SLC18A2: variants seen among roughly 807,000 people sequenced by gnomAD.
The protein encoded by SLC18A2 is synaptic vesicular amine transporter.
In SLC18A2, 33 loss-of-function variants were observed where a neutral mutation model predicts 59.2. The ratio of observed to expected loss-of-function variants is 0.56; its 90% CI spans 0.42 to 0.75. The LOEUF is 0.75. Among genes scored for constraint, SLC18A2 ranks in the 30% least tolerant of loss-of-function variants. The pLI is 0.00. For synonymous variants in SLC18A2, 228 were observed against 253.5 expected (o/e 0.90, Z 0.95); for missense variants, 569 against 668.6 (o/e 0.85, Z 1.64).
chr10:117,266,703 T>C (rs11568724), intron 10 of SLC18A2, 30 bp from the exon 11 acceptor site: 630 of 1,527,316 alleles, frequency 4.1e-4, no homozygotes, highest in Non-Finnish European at 5.4e-4. Context: ...ATATCAGCAC[T>C]GATAAGGTCT....
intron 15 of SLC18A2, among the ~76,000 whole-genome samples, chr10:117,275,333 T>C (rs1025629093): frequency 2.6e-5 from 4 of 152,166 alleles, no homozygotes; most frequent in Admixed American, 1.3e-4. Flanking sequence ...AAATGATAAA[T>C]GGGTTAAGCA....
At position 117,255,287 on chromosome 10, in the gene SLC18A2, C is replaced by T; in HGVS notation, c.711C>T (p.Pro237=). 6.2e-7 allele frequency: 1 copy of T among 1,614,208 alleles called. No individual in the cohort carries two copies. Among genetic ancestry groups the T allele is most frequent in the South Asian group, 1.1e-5 (1 of 91,086 alleles). Residue 237 remains proline, a synonymous_variant, in exon 7 of 16, where the codon CCC becomes CCT. Coordinates refer to ENST00000644641, the MANE Select transcript of SLC18A2 (RefSeq NM_003054.6). ...GLAMGVLVGP[P]FGSVLYEFVG... ...TTTCTCTCCCTGCAGTGGGCCCCCCCTTCGGGAGTGTGCTCTATGAGTTTG... is the reference window on the plus strand; with the variant it reads ...TTTCTCTCCCTGCAGTGGGCCCCCCTTTCGGGAGTGTGCTCTATGAGTTTG...
chr10:117,241,701 T>C lies in SLC18A2; in HGVS notation c.8T>C (p.Leu3Pro), dbSNP rs1402189653. The C allele has an allele frequency of 6.3e-7, 1 of 1,595,546 alleles. No homozygotes were observed. The highest frequency in any genetic ancestry group is 8.5e-7 in the Non-Finnish European group (1 of 1,172,580). The change falls in exon 2 of 16, where the codon CTG (leucine) becomes CCG (proline). Residue 3 changes from leucine (L) to proline (P), a missense_variant. Coordinates refer to ENST00000644641, the MANE Select transcript of SLC18A2 (RefSeq NM_003054.6). MA[L>P]SELALVRWLQ... is the part of the protein sequence containing the mutation. ...CAGCGGAGCCCCGGAGCCATGGCCC[T>C]GAGCGAGCTGGCGCTGGTCCGCTGG...
rs893575984 is a variant in SLC18A2, at chr10:117,255,578, C to G, written c.835-19C>G. On this transcript the variant is annotated intron_variant, in intron 8 of 15. Coordinates refer to ENST00000644641, the MANE Select transcript of SLC18A2 (RefSeq NM_003054.6). ...AGGGGGCATGGTGCTGCTTCTGACCCGTGTTTTTTTCTTGACAGAGTCAGA... is the reference window on the plus strand; with the variant it reads ...AGGGGGCATGGTGCTGCTTCTGACCGGTGTTTTTTTCTTGACAGAGTCAGA... The G allele has an allele frequency of 6.2e-7, 1 of 1,613,928 alleles. No homozygotes were observed. Among genetic ancestry groups the G allele is most frequent in the African/African-American group, 1.3e-5 (1 of 74,898 alleles).
In SLC18A2 at chr10:117,241,794, A is replaced by G; in HGVS notation, c.101A>G (p.Asn34Ser). 6.2e-7 allele frequency: 1 copy of G among 1,609,302 alleles called. No individual in the cohort carries two copies. Among genetic ancestry groups the G allele is most frequent in the Non-Finnish European group, 8.5e-7 (1 of 1,178,394 alleles). Residue 34 changes from asparagine to serine, a missense_variant, in exon 2 of 16, where the codon AAC (asparagine) becomes AGC (serine). Coordinates refer to ENST00000644641, the MANE Select transcript of SLC18A2 (RefSeq NM_003054.6). ...FIVFLALLLD[N>S]MLLTVVVPII... ...GTGTTCCTGGCGCTGCTGCTGGACA[A>G]CATGCTGCTCACTGTCGTGGGTACG...
chr10:117,241,642 G>C, intron 1 of SLC18A2, 37 bp from the exon 2 acceptor site: 2 of 1,509,856 alleles, frequency 1.3e-6, no homozygotes, highest in African/African-American at 1.4e-5. Context: ...GGGGGTCCAC[G>C]GCCGCCTTGG....
In SLC18A2 at chr10:117,243,976, A is replaced by G. The variant is rs1213537265; in HGVS notation, c.127A>G (p.Ile43Val). ...DNMLLTVVVP[I>V]IPSYLYSIKH... is the part of the protein sequence containing the mutation. ...CATTCTGCTCTTATCCCCAGTCCCCATCATCCCAAGTTATCTGTACAGCAT... is the reference window on the plus strand; with the variant it reads ...CATTCTGCTCTTATCCCCAGTCCCCGTCATCCCAAGTTATCTGTACAGCAT... The change falls in exon 3 of 16, where the codon ATC (isoleucine) becomes GTC (valine). Residue 43 changes from isoleucine to valine, a missense_variant. By Grantham distance (29) the Ile-to-Val change is conservative (BLOSUM62 3). Transcript: ENST00000644641. 2 of 1,611,228 alleles carry G rather than the reference A, an allele frequency of 1.2e-6. No homozygotes were observed. The highest frequency in any genetic ancestry group is 1.7e-6 in the Non-Finnish European group (2 of 1,178,218).
chr10:117,254,567 G>A (rs921181784), intron 6 of SLC18A2, 70 bp downstream of exon 6: 18 of 1,138,250 alleles, frequency 1.6e-5, no homozygotes, highest in African/African-American at 1.6e-4. Flanking sequence ...GGCAGTCCTC[G>A]CCCAGTGACC....
At position 117,244,139 on chromosome 10, in the gene SLC18A2, C is replaced by T. The variant is rs759265172; in HGVS notation, c.290C>T (p.Thr97Ile). The change falls in exon 3 of 16, where the codon ACA becomes ATA. Residue 97 changes from threonine to isoleucine, a missense_variant. Thr to Ile is a moderately conservative substitution (Grantham distance 89). Transcript: ENST00000644641. ...ACCGGGAATGCTACCAGAGACCTGA[C>T]ACTTCATCAGACCGCCACACAGCAC... ...MVTGNATRDLTLHQTATQHMV... is the reference protein window; with the variant it reads ...MVTGNATRDLILHQTATQHMV... 6.8e-6 allele frequency: 11 copies of T among 1,614,100 alleles called. No homozygotes were observed. The highest frequency in any genetic ancestry group is 8.5e-6 in the Non-Finnish European group (10 of 1,180,046).
In SLC18A2 at chr10:117,277,297, TAATTG is replaced by T; in HGVS notation, c.*32_*36del. ...GATCCTCAAAAATCATCAAAGTGTT[TAATTG>T]TATAAAACAGTGTTTCCAGTGACAC... On this transcript the variant is annotated 3_prime_UTR_variant, in exon 16 of 16. Transcript: ENST00000644641. 9 of 1,365,868 alleles carry T rather than the reference TAATTG, an allele frequency of 6.6e-6. No individual in the cohort carries two copies. Among genetic ancestry groups the T allele is most frequent in the South Asian group, 1.2e-5 (1 of 84,246 alleles). 84.6% of individuals were successfully genotyped at this position (1,365,868 alleles called of 1,614,324 possible). A position where few individuals can be genotyped will look rare whatever the true frequency, so the allele number is the denominator to read the frequency against.
intron 15 of SLC18A2, 37 bp downstream of exon 15, chr10:117,270,500 T>C (rs2133745140): frequency 6.2e-7 from 1 of 1,608,850 alleles, no homozygotes; most frequent in Non-Finnish European, 8.5e-7. Context: ...CATTTCTTGA[T>C]AATTTTAGCA....
chr10:117,245,534 C>A (rs947091575), intron 3 of SLC18A2, among the ~76,000 whole-genome samples: 2 of 151,786 alleles, frequency 1.3e-5, no homozygotes, highest in Admixed American at 1.3e-4. Context: ...GAGAACTTCA[C>A]ATTTCCTCTG....
chr10:117,267,316 A>C, intron 12 of SLC18A2: 1 of 468,344 alleles, frequency 2.1e-6, no homozygotes, highest in South Asian at 3.6e-5. Context: ...ACTTCAGGAC[A>C]ACCAACCTGA....
At chr10:117,252,955 C>T (rs1459048091) in intron 3 of SLC18A2, among the ~76,000 whole-genome samples, 2 of 152,196 alleles carry the variant, frequency 1.3e-5, no homozygotes, top group Admixed American at 6.5e-5. Context: ...GAAGGCAGAT[C>T]TTAACATCTT....
intron 10 of SLC18A2, among the ~76,000 whole-genome samples, chr10:117,260,230 G>A (rs1041715618): frequency 9.9e-5 from 15 of 152,192 alleles, no homozygotes; most frequent in African/African-American, 3.6e-4. Flanking sequence ...CTGCCAGGGT[G>A]AAGGCTGGAG....
chr10:117,269,130 TACAA>T lies in SLC18A2; in HGVS notation c.1187-937_1187-934del, dbSNP rs894880935. On this transcript the variant is annotated intron_variant, in intron 13 of 15. Transcript: ENST00000644641. The surrounding 1 kb of genome is among the most constrained non-coding windows in gnomAD (Gnocchi z 5.1). Reference sequence around the variant, plus strand: ...ACATACACGTAGATACACATACACATACAAACACCCACCCACATACATATGCACA... The same window carrying T: ...ACATACACGTAGATACACATACACATACACCCACCCACATACATATGCACA... Among the ~76,000 whole-genome samples, 15 of 148,186 alleles carry T rather than the reference TACAA, an allele frequency of 1.0e-4. No individual in the cohort carries two copies. The highest frequency in any genetic ancestry group is 4.0e-4 in the East Asian group (2 of 4,996).
chr10:117,270,301 G>A, intron 14 of SLC18A2, 29 bp from the exon 15 acceptor site: 3 of 1,614,002 alleles, frequency 1.9e-6, no homozygotes, highest in Non-Finnish European at 2.5e-6. Context: ...ATTTGGAAGA[G>A]CTTTATCTAA....
chr10:117,259,620 A>G (rs893367995), intron 10 of SLC18A2, among the ~76,000 whole-genome samples: 13 of 152,234 alleles, frequency 8.5e-5, no homozygotes, highest in African/African-American at 3.1e-4. Context: ...GTCTGCATGT[A>G]TAATTCTTGG....
chr10:117,276,644 A>AAGAAAGAAAGAAAGAAAGAC (rs57151913), intron 15 of SLC18A2, among the ~76,000 whole-genome samples: 1 of 132,750 alleles, frequency 7.5e-6, no homozygotes, highest in African/African-American at 2.8e-5. Context: ...GAAAGAAAGA[A>AAGAAAGAAAGAAAGAAAGAC]AGAAAGAAAA....
Sources: allele counts gnomAD v4.1 joint callset (sites outside exome capture counted in the v4.1 genomes callset), GRCh38; gene constraint gnomAD v4.1.1; non-coding constraint Gnocchi (gnomAD v3.1); transcripts MANE v1.5; gene names NCBI Gene and HGNC (gene_info 2026-07-23, HGNC 2026-07-21).